The following RGSL1 variants were observed in gnomAD, a reference collection of about 807,000 sequenced individuals.
The protein encoded by RGSL1 is regulator of G protein signaling like 1, also known as regulator of G protein signaling protein-like.
Under a neutral mutation model 124.7 loss-of-function variants are expected in RGSL1, and 97 were observed. The ratio of observed to expected loss-of-function variants is 0.78; its 90% confidence interval spans 0.66 to 0.92. The LOEUF is 0.92. RGSL1 is among the 40% of genes least tolerant of loss of function. The pLI is 0.00. For synonymous variants in RGSL1, 424 were observed against 438.1 expected (o/e 0.97, Z 0.40); for missense variants, 1,233 against 1,288.4 (o/e 0.96, Z 0.66).
chr1:182,475,475 C>A (rs1654217362), intron 6 of RGSL1, among the ~76,000 whole-genome samples: 1 of 152,086 alleles, frequency 6.6e-6, no homozygotes, highest in African/African-American at 2.4e-5. Flanking sequence ...AGTGTCATAC[C>A]ATAAAGTCAG....
rs192542146 is a variant in RGSL1, at chr1:182,548,360, C to A, written c.2713C>A (p.Arg905=). 1 of 1,551,822 alleles carries A rather than the reference C, an allele frequency of 6.4e-7. No homozygotes were observed. Among genetic ancestry groups the A allele is most frequent in the South Asian group, 1.2e-5 (1 of 84,054 alleles). Residue 905 remains arginine (R), a synonymous_variant, in exon 16 of 22, where the codon CGG becomes AGG. Transcript: ENST00000294854. ...VSSAHMLQVN[R]AYNENDVILM... ...TTCAGCCCACATGCTGCAGGTCAAC[C>A]GGGCATATAATGAGAATGATGTGAT...
In RGSL1 at chr1:182,474,413, G is replaced by C. The variant is rs1208572717; in HGVS notation, c.1302G>C (p.Glu434Asp). 3 of 1,552,028 alleles carry C rather than the reference G, an allele frequency of 1.9e-6. No homozygotes were observed. The highest frequency in any genetic ancestry group is 2.6e-6 in the Non-Finnish European group (3 of 1,147,046). ...FRHLLGDRIC[E>D]LYLNEQIGPC... ...ACTTGCTGGGTGACAGAATCTGCGA[G>C]CTCTACCTGAATGAGCAGATTGGTC... The change falls in exon 6 of 22, where the codon GAG becomes GAC. Residue 434 changes from glutamate to aspartate, a missense_variant. Transcript: ENST00000294854.
Position 182,488,970 on chromosome 1 carries a change from C to T in RGSL1, c.1495-10C>T. On this transcript the variant is annotated splice_polypyrimidine_tract_variant and intron_variant, in intron 7 of 21. Transcript: ENST00000294854. ...ACAAATGCCATCTTCCCCTCACCCTCTTCTCTTAGACACAGAACAGGTTCA... is the reference window on the plus strand; with the variant it reads ...ACAAATGCCATCTTCCCCTCACCCTTTTCTCTTAGACACAGAACAGGTTCA... The T allele has an allele frequency of 6.5e-7, 1 of 1,547,596 alleles. No individual in the cohort carries two copies. The highest frequency in any genetic ancestry group is 8.7e-7 in the Non-Finnish European group (1 of 1,145,090).
intron 4 of RGSL1, 51 bp downstream of exon 4, chr1:182,460,184 G>GTGTGTT: frequency 8.1e-7 from 1 of 1,238,798 alleles, no homozygotes; most frequent in Middle Eastern, 2.3e-4. Flanking sequence ...GTGTGTGTGT[G>GTGTGTT]TAGAAATATA....
At chr1:182,461,597 A>T (rs1652838199) in intron 4 of RGSL1, among the ~76,000 whole-genome samples, 1 of 152,188 alleles carries the variant, frequency 6.6e-6, no homozygotes, top group Non-Finnish European at 1.5e-5. Context: ...AAAGAACTAA[A>T]GGAAGATGTA....
chr1:182,553,691 G>C, intron 19 of RGSL1, 150 bp downstream of exon 19: 1 of 668,678 alleles, frequency 1.5e-6, no homozygotes, highest in Non-Finnish European at 2.6e-6. Flanking sequence ...GCTTGTGAGT[G>C]GCAGAGAGGA....
rs768597741 is a variant in RGSL1 at position 182,540,394 on chromosome 1, A to G, written c.2642A>G (p.Asp881Gly). The G allele has an allele frequency of 1.9e-6, 3 of 1,550,640 alleles. No individual in the cohort carries two copies. Among genetic ancestry groups the G allele is most frequent in the South Asian group, 2.4e-5 (2 of 83,892 alleles). The change falls in exon 15 of 22, where the codon GAT (aspartate) becomes GGT (glycine). Residue 881 changes from aspartate to glycine, a missense_variant. Coordinates refer to ENST00000294854, the MANE Select transcript of RGSL1 (RefSeq NM_001137669.2). ...RIITVNFAIN[D>G]LYFFSEMEKF... is the part of the protein sequence containing the mutation. ...ATCACTGTCAACTTTGCGATCAATGATCTATATTTCTTTTCTGAAATGGAG... is the reference window on the plus strand; with the variant it reads ...ATCACTGTCAACTTTGCGATCAATGGTCTATATTTCTTTTCTGAAATGGAG...
chr1:182,484,614 T>G (rs1654956968), intron 6 of RGSL1, among the ~76,000 whole-genome samples: 1 of 152,156 alleles, frequency 6.6e-6, no homozygotes, highest in Admixed American at 6.5e-5. Flanking sequence ...ATGGGGCAGC[T>G]CCAACAAGGC....
At chr1:182,533,301 T>TTTC (rs1659314203) in intron 14 of RGSL1, among the ~76,000 whole-genome samples, 1 of 150,764 alleles carries the variant, frequency 6.6e-6, no homozygotes, top group Admixed American at 6.6e-5. Flanking sequence ...TGCTTCTTTT[T>TTTC]TTTTTTTTTT....
intron 9 of RGSL1, among the ~76,000 whole-genome samples, chr1:182,516,997 T>A (rs1465186504): frequency 6.6e-6 from 1 of 152,194 alleles, no homozygotes. Flanking sequence ...TTCATGTTAG[T>A]GTTTTTTTCT....
intron 11 of RGSL1, among the ~76,000 whole-genome samples, chr1:182,528,041 G>A (rs894795463): frequency 6.6e-6 from 1 of 152,160 alleles, no homozygotes; most frequent in Non-Finnish European, 1.5e-5. Context: ...AAAGAGGATT[G>A]ATTGACTCAC....
rs16859144 is a variant in RGSL1 at position 182,530,993 on chromosome 1, C to T, written c.2364+83C>T. 2,537 of 1,442,612 alleles carry T rather than the reference C, an allele frequency of 1.8e-3. 40 individuals are homozygous for T. The African/African-American group carries it at 0.032, about 18-fold the overall frequency. The allele number at this position is 1,442,612 out of a possible 1,614,324, so 89.4% of individuals were successfully genotyped here. On this transcript the variant is annotated intron_variant, in intron 13 of 21. Coordinates refer to ENST00000294854, the MANE Select transcript of RGSL1 (RefSeq NM_001137669.2). The stretch of plus-strand genomic sequence containing the variant: ...GGTAGGTTTTTAAATCCCCATTTTG[C>T]AAAGGAAGAATCTGAGACTCAGATA...
chr1:182,521,036 C>G (rs1658295518), intron 9 of RGSL1, among the ~76,000 whole-genome samples: 1 of 152,092 alleles, frequency 6.6e-6, no homozygotes, highest in African/African-American at 2.4e-5. Flanking sequence ...TCCATGAAAT[C>G]TATTGTTCTT....
chr1:182,458,470 G>GTTTTT (rs2101991156), intron 3 of RGSL1, 77 bp downstream of exon 3: 1 of 1,240,114 alleles, frequency 8.1e-7, no homozygotes, highest in Non-Finnish European at 1.1e-6. Context: ...TTGTTAATTT[G>GTTTTT]TTTTTGTTTT....
intron 15 of RGSL1, among the ~76,000 whole-genome samples, chr1:182,547,643 C>T (rs1037315988): frequency 4.6e-5 from 7 of 152,076 alleles, no homozygotes; most frequent in Admixed American, 4.6e-4. Flanking sequence ...GGGTGGATCA[C>T]GAGGTCAAGA....
intron 9 of RGSL1, among the ~76,000 whole-genome samples, chr1:182,514,704 G>A (rs184108355): frequency 1.3e-5 from 2 of 152,310 alleles, no homozygotes; most frequent in Admixed American, 6.5e-5. Context: ...CTACAGGGAG[G>A]ACTTCTAGGA....
chr1:182,536,659 A>G (rs1448617535), intron 14 of RGSL1, among the ~76,000 whole-genome samples: 2 of 152,220 alleles, frequency 1.3e-5, no homozygotes, highest in Non-Finnish European at 2.9e-5. Context: ...ACGGACTCAC[A>G]GTTCCATGTG....
chr1:182,457,148 A>AAAACAAAC (rs71297860), intron 2 of RGSL1, among the ~76,000 whole-genome samples: 4 of 151,568 alleles, frequency 2.6e-5, no homozygotes, highest in Non-Finnish European at 2.9e-5. Flanking sequence ...CTCCATCTCA[A>AAAACAAAC]AAACAAACAA....
intron 4 of RGSL1, among the ~76,000 whole-genome samples, chr1:182,468,099 A>AT (rs1252892330): frequency 2.0e-5 from 3 of 152,260 alleles, no homozygotes; most frequent in African/African-American, 7.2e-5. Context: ...AATGGCGATC[A>AT]TTAAAAAGTC....
Sources: gnomAD v4.1 joint callset for allele counts (sites outside exome capture counted in the v4.1 genomes callset) on GRCh38, gnomAD v4.1.1 for gene constraint, MANE v1.5 for transcripts, NCBI Gene and HGNC (gene_info 2026-07-23, HGNC 2026-07-21) for gene names.